The following LSR variants were observed in gnomAD, a reference collection of about 807,000 sequenced individuals.
LSR encodes lipolysis stimulated lipoprotein receptor, also known as lipolysis-stimulated lipoprotein receptor.
In LSR, 44 loss-of-function variants were observed where a neutral mutation model predicts 61.8. The observed-to-expected ratio is 0.71, with a 90% CI of 0.56 to 0.91. The LOEUF is 0.91. Among genes scored for constraint, LSR ranks in the 40% least tolerant of loss-of-function variants. The pLI is 0.00. For synonymous variants in LSR, 397 were observed against 350.6 expected (o/e 1.13, Z -1.48); for missense variants, 911 against 830.5 (o/e 1.10, Z -1.19).
In LSR at chr19:35,267,255, C is replaced by G; in HGVS notation, c.1291C>G (p.Gln431Glu). The G allele has an allele frequency of 6.5e-7, 1 of 1,533,292 alleles. No individual in the cohort carries two copies. The allele number at this position is 1,533,292 out of a possible 1,614,324, so 95.0% of individuals were successfully genotyped here. The stretch of plus-strand genomic sequence containing the variant: ...ATGGGACCAGGAGCCCGCCAGGGAG[C>G]AGGCAGGCGGGGGCTGGCGGGCCAG... ...RGWDQEPARE[Q>E]AGGGWRARRP... Residue 431 changes from glutamine (Q) to glutamate (E), a missense_variant, in exon 9 of 10, where the codon CAG (glutamine) becomes GAG (glutamate). By Grantham distance (29) the Gln-to-Glu change is conservative. Transcript: ENST00000605618.
Position 35,266,560 on chromosome 19 carries a change from G to A in LSR, c.952+28G>A, listed in dbSNP as rs756823048. On this transcript the variant is annotated intron_variant, in intron 6 of 9. Transcript: ENST00000605618. ...GAGGCCGGGGGAAGCAGGAACAGCT[G>A]GTGGGAGTGTGCTGGGCATCTGGAC... is the stretch of plus-strand genomic sequence containing the variant. 5.0e-6 allele frequency: 8 copies of A among 1,599,354 alleles called. No homozygotes were observed. In the African/African-American group the frequency reaches 9.4e-5, roughly 19 times the overall value.
chr19:35,257,108 G>C (rs2065865679), intron 2 of LSR, among the ~76,000 whole-genome samples: 1 of 152,168 alleles, frequency 6.6e-6, no homozygotes, highest in East Asian at 1.9e-4. Context: ...AAAGTGTTAG[G>C]ATTACAGGTG....
At chr19:35,249,527 G>C (rs887771916) in intron 1 of LSR, among the ~76,000 whole-genome samples, 4 of 152,152 alleles carry the variant, frequency 2.6e-5, no homozygotes, top group African/African-American at 9.7e-5. Context: ...GGCTGGATCA[G>C]ACGCTTCCTA....
intron 5 of LSR, chr19:35,264,774 C>T (rs1229136867): frequency 6.6e-6 from 1 of 152,196 alleles, no homozygotes; most frequent in Non-Finnish European, 1.5e-5. Flanking sequence ...TGGCAGAGCT[C>T]ACCACACTGG....
chr19:35,256,767 G>A (rs556699529), intron 2 of LSR, among the ~76,000 whole-genome samples: 1 of 152,276 alleles, frequency 6.6e-6, no homozygotes, highest in South Asian at 2.1e-4. Context: ...ATCCAGCCAT[G>A]TGCCCAGAAT....
At chr19:35,261,812 T>A in intron 3 of LSR, 113 bp from the exon 4 acceptor site, 1 of 635,690 alleles carries the variant, frequency 1.6e-6, no homozygotes, top group South Asian at 3.1e-5. Context: ...CCCCAGCCCC[T>A]TCCCGCTTCA....
chr19:35,262,470 A>G (rs1364673050), intron 4 of LSR, 76 bp from the exon 5 acceptor site: 11 of 1,542,450 alleles, frequency 7.1e-6, no homozygotes, highest in Admixed American at 1.7e-5. Flanking sequence ...CTGGCTCCGC[A>G]CCATGTACCC....
intron 2 of LSR, among the ~76,000 whole-genome samples, chr19:35,254,648 A>T (rs1275259865): frequency 6.6e-6 from 1 of 152,168 alleles, no homozygotes; most frequent in East Asian, 1.9e-4. Flanking sequence ...CGGTGTATAA[A>T]GAAGGAACCA....
Position 35,267,654 on chromosome 19 carries a change from GA to G in LSR, c.1692del (p.Glu565ArgfsTer30). 6.2e-7 allele frequency: 1 copy of G among 1,609,766 alleles called. No individual in the cohort carries two copies. The highest frequency in any genetic ancestry group is 8.5e-7 in the Non-Finnish European group (1 of 1,178,546). On this transcript the variant is annotated frameshift_variant, in exon 9 of 10. Transcript: ENST00000605618. LOFTEE classifies it high-confidence loss of function. ...ERRRPHKEEE[E>X]EAYYPPAPPP... ...GAGGAGACCCCACAAGGAGGAGGAGGAAGAGGCCTACTACCCGCCCGCGCCG... is the reference window on the plus strand; with the variant it reads ...GAGGAGACCCCACAAGGAGGAGGAGGAGAGGCCTACTACCCGCCCGCGCCG...
chr19:35,261,873 C>T, intron 3 of LSR, 52 bp from the exon 4 acceptor site: 2 of 1,317,170 alleles, frequency 1.5e-6, no homozygotes, highest in Admixed American at 3.0e-5. Context: ...GGGGGTGGCA[C>T]AGCCTGGGCT....
chr19:35,250,795 CTT>C (rs564341537), intron 2 of LSR, 136 bp downstream of exon 2: 8,322 of 412,036 alleles, frequency 0.02, no homozygotes, highest in South Asian at 0.028. Context: ...GGGAGCAATT[CTT>C]TTTTTTTTTT....
intron 5 of LSR, among the ~76,000 whole-genome samples, chr19:35,265,646 A>G (rs138668185): frequency 2.0e-5 from 3 of 152,274 alleles, no homozygotes; most frequent in Non-Finnish European, 2.9e-5. Context: ...GGAGGAAGGA[A>G]GGGAGGAGGA....
chr19:35,252,717 G>T (rs2065809966), intron 2 of LSR, among the ~76,000 whole-genome samples: 2 of 147,076 alleles, frequency 1.4e-5, no homozygotes, highest in Admixed American at 6.8e-5. Context: ...GTGTTGCAAA[G>T]AAAATAACAC....
intron 2 of LSR, among the ~76,000 whole-genome samples, chr19:35,250,943 G>A (rs940743036): frequency 6.6e-6 from 1 of 151,948 alleles, no homozygotes; most frequent in Non-Finnish European, 1.5e-5. Flanking sequence ...CTCCAGGTGC[G>A]TGCCACCACG....
intron 2 of LSR, among the ~76,000 whole-genome samples, chr19:35,256,611 G>T (rs1324163971): frequency 6.6e-6 from 1 of 152,200 alleles, no homozygotes; most frequent in African/African-American, 2.4e-5. Context: ...GGGTCTAGAG[G>T]CTGCAGTTTG....
At chr19:35,259,170 C>A in intron 3 of LSR, 106 bp downstream of exon 3, 2 of 1,408,978 alleles carry the variant, frequency 1.4e-6, no homozygotes, top group South Asian at 1.3e-5. Flanking sequence ...ACCCTCTGGG[C>A]TCTGTCGCCT....
chr19:35,257,271 T>C (rs1173410815), intron 2 of LSR, among the ~76,000 whole-genome samples: 2 of 151,982 alleles, frequency 1.3e-5, no homozygotes, highest in Non-Finnish European at 2.9e-5. Context: ...GCCCCTAAGC[T>C]GGGAGATAAG....
At chr19:35,265,638 A>T (rs1462814229) in intron 5 of LSR, among the ~76,000 whole-genome samples, 1 of 152,046 alleles carries the variant, frequency 6.6e-6, no homozygotes. Context: ...TGCCCTAGGG[A>T]GGAAGGAAGG....
Position 35,267,383 on chromosome 19 carries a change from G to A in LSR, c.1419G>A (p.Arg473=), listed in dbSNP as rs1365456869. The change falls in exon 9 of 10, where the codon CGG becomes CGA. Residue 473 remains arginine, a synonymous_variant. Coordinates refer to ENST00000605618, the MANE Select transcript of LSR (RefSeq NM_205834.4). The part of the protein sequence containing the change: ...RSPTSNGGRS[R]AYMPPRSRSR... ...CCACGAGTAATGGTGGGAGAAGCCG[G>A]GCCTACATGCCCCCGCGGAGCCGCA... 2 of 1,597,252 alleles carry A rather than the reference G, an allele frequency of 1.3e-6. No homozygotes were observed. Among genetic ancestry groups the A allele is most frequent in the South Asian group, 2.2e-5 (2 of 89,452 alleles).
Sources: gnomAD v4.1 joint callset for allele counts (sites outside exome capture counted in the v4.1 genomes callset) on GRCh38, gnomAD v4.1.1 for gene constraint, MANE v1.5 for transcripts, NCBI Gene and HGNC (gene_info 2026-07-23, HGNC 2026-07-21) for gene names.